The following NPAS3 variants were observed in gnomAD, a reference collection of about 807,000 sequenced individuals.
NPAS3 encodes the protein neuronal PAS domain-containing protein 3.
A neutral mutation model predicts 73.1 loss-of-function variants in NPAS3; 14 were observed. The observed-to-expected ratio is 0.19, with a 90% confidence interval of 0.13 to 0.30. The LOEUF is 0.30. Ranked by LOEUF, NPAS3 falls within the 10% of genes least tolerant of loss-of-function variation. The probability of loss-of-function intolerance (pLI) is 1.00; values close to 1 mark genes in which losing one functional copy is unlikely to be tolerated. For missense variants in NPAS3, 1,096 were observed against 1,250.0 expected (o/e 0.88, Z 1.86); for synonymous variants, 620 against 541.5 (o/e 1.14, Z -2.01).
upstream of NPAS3, among the ~76,000 whole-genome samples, chr14:32,938,486 TGAGAGAGA>T (rs369330767): frequency 1.1e-3 from 62 of 55,934 alleles, 1 homozygote; most frequent in South Asian, 0.013. Flanking sequence ...AGAGAGAAAT[TGAGAGAGA>T]GAGAGAGAGA....
At chr14:33,426,294 T>C (rs987969669) in intron 4 of NPAS3, among the ~76,000 whole-genome samples, 1 of 152,082 alleles carries the variant, frequency 6.6e-6, no homozygotes, top group Admixed American at 6.6e-5. Context: ...TAACTTCTCT[T>C]GCATTGGGCT....
At chr14:33,343,723 A>G (rs1412488436) in intron 3 of NPAS3, among the ~76,000 whole-genome samples, 1 of 152,212 alleles carries the variant, frequency 6.6e-6, no homozygotes, top group African/African-American at 2.4e-5. Context: ...TTTAAAATAT[A>G]TTTGGCTGCA....
chr14:33,244,774 T>TAAAA (rs1341296184), intron 3 of NPAS3, among the ~76,000 whole-genome samples: 1 of 152,150 alleles, frequency 6.6e-6, no homozygotes, highest in Admixed American at 6.5e-5. Flanking sequence ...TGCCAAAAGC[T>TAAAA]AAAACCCCAA....
intron 1 of NPAS3, among the ~76,000 whole-genome samples, chr14:33,047,784 T>A (rs2040560832): frequency 6.6e-6 from 1 of 152,162 alleles, no homozygotes; most frequent in Admixed American, 6.5e-5. Context: ...TCCAGCTCGG[T>A]CACTACTTTT....
At chr14:33,425,741 G>A (rs951110199) in intron 4 of NPAS3, among the ~76,000 whole-genome samples, 4 of 151,912 alleles carry the variant, frequency 2.6e-5, no homozygotes, top group East Asian at 3.9e-4. Context: ...TTTTTGTATC[G>A]TCTTGTACAC....
chr14:33,779,027 T>C (rs1404771531), intron 9 of NPAS3, among the ~76,000 whole-genome samples: 4 of 152,210 alleles, frequency 2.6e-5, no homozygotes, highest in African/African-American at 7.2e-5. Context: ...GCCAGGGAGA[T>C]GGGGCAGAGC....
chr14:33,527,282 C>T (rs2053844171), intron 4 of NPAS3, among the ~76,000 whole-genome samples: 1 of 152,180 alleles, frequency 6.6e-6, no homozygotes, highest in South Asian at 2.1e-4. Context: ...CTAGCCCTAT[C>T]CTGTACCCTG....
At chr14:33,706,554 A>G (rs151157187) in intron 6 of NPAS3, among the ~76,000 whole-genome samples, 21 of 152,344 alleles carry the variant, frequency 1.4e-4, no homozygotes, top group African/African-American at 4.6e-4. Context: ...GCACGTGGAT[A>G]GGAGTAAAAT....
At chr14:33,584,078 G>T (rs2056774975) in intron 5 of NPAS3, among the ~76,000 whole-genome samples, 1 of 152,164 alleles carries the variant, frequency 6.6e-6, no homozygotes, top group South Asian at 2.1e-4. Context: ...GTCACCAATA[G>T]AAATCACATG....
chr14:32,985,731 T>G (rs1312704487), intron 1 of NPAS3, among the ~76,000 whole-genome samples: 1 of 150,216 alleles, frequency 6.7e-6, no homozygotes, highest in Non-Finnish European at 1.5e-5. Flanking sequence ...GTGCAAAGAG[T>G]TGATTTCTGT....
At chr14:33,552,152 C>G (rs368908305) in intron 4 of NPAS3, among the ~76,000 whole-genome samples, 1 of 152,140 alleles carries the variant, frequency 6.6e-6, no homozygotes, top group East Asian at 1.9e-4. Context: ...CTGTTGCAGT[C>G]AACAGGTGCT....
At chr14:33,078,435 G>C (rs181754901) in intron 2 of NPAS3, among the ~76,000 whole-genome samples, 1 of 151,776 alleles carries the variant, frequency 6.6e-6, no homozygotes. Flanking sequence ...TCCTCCCCTG[G>C]AGAGGTGCCT....
chr14:32,995,967 G>A (rs1439192852), intron 1 of NPAS3, among the ~76,000 whole-genome samples: 1 of 152,304 alleles, frequency 6.6e-6, no homozygotes, highest in East Asian at 1.9e-4. Context: ...GAAGAAGACA[G>A]GAAAATGTGG....
At chr14:33,324,812 C>T (rs1039197784) in intron 3 of NPAS3, among the ~76,000 whole-genome samples, 3 of 151,946 alleles carry the variant, frequency 2.0e-5, no homozygotes, top group Non-Finnish European at 2.9e-5. Context: ...TTGTTACCAT[C>T]GTATTTAGAG....
At chr14:33,773,202 G>A (rs2062708223) in intron 7 of NPAS3, among the ~76,000 whole-genome samples, 1 of 152,204 alleles carries the variant, frequency 6.6e-6, no homozygotes, top group South Asian at 2.1e-4. Context: ...GTTCCTTATA[G>A]CAAAGGAGGA....
intron 6 of NPAS3, among the ~76,000 whole-genome samples, chr14:33,679,629 G>A (rs1479307242): frequency 6.6e-6 from 1 of 152,154 alleles, no homozygotes; most frequent in Admixed American, 6.5e-5. Flanking sequence ...AGGACTAGTA[G>A]GTATGGAATT....
At chr14:33,306,951 C>T (rs746701957) in intron 3 of NPAS3, among the ~76,000 whole-genome samples, 2 of 152,126 alleles carry the variant, frequency 1.3e-5, no homozygotes, top group East Asian at 1.9e-4. Context: ...AAGAAGCAAA[C>T]GAGGCCTCCT....
intron 4 of NPAS3, among the ~76,000 whole-genome samples, chr14:33,385,155 T>G (rs924740746): frequency 6.6e-6 from 1 of 152,178 alleles, no homozygotes; most frequent in African/African-American, 2.4e-5. Flanking sequence ...CGGCTCCCAG[T>G]TGGAAGGAAA....
At chr14:33,510,034 G>A in intron 4 of NPAS3, among the ~76,000 whole-genome samples, 1 of 151,876 alleles carries the variant, frequency 6.6e-6, no homozygotes, top group Non-Finnish European at 1.5e-5. Flanking sequence ...GCACGCCCCG[G>A]GATAATAAAA....
Sources: allele counts gnomAD v4.1 joint callset (sites outside exome capture counted in the v4.1 genomes callset), GRCh38; gene constraint gnomAD v4.1.1; transcripts MANE v1.5; gene names NCBI Gene and HGNC (gene_info 2026-07-23, HGNC 2026-07-21).